The following NPAS3 variants were observed in gnomAD, a reference collection of about 807,000 sequenced individuals.
NPAS3 encodes the protein neuronal PAS domain-containing protein 3.
In NPAS3, 14 loss-of-function variants were observed where a neutral mutation model predicts 73.1. The observed-to-expected ratio is 0.19, with a 90% CI of 0.13 to 0.30. The LOEUF is 0.30. Among genes scored for constraint, NPAS3 ranks in the 10% least tolerant of loss-of-function variants. NPAS3 has a pLI of 1.00. For missense variants in NPAS3, 1,096 were observed against 1,250.0 expected, an observed-to-expected ratio of 0.88 and a Z score of 1.86; for synonymous variants, 620 against 541.5, an observed-to-expected ratio of 1.14 and a Z score of -2.01.
chr14:32,990,496 T>C (rs1463768257), intron 1 of NPAS3, among the ~76,000 whole-genome samples: 1 of 152,202 alleles, frequency 6.6e-6, no homozygotes, highest in East Asian at 1.9e-4. Context: ...CCATTATTCC[T>C]CCTTCCCTCA....
chr14:33,581,951 A>G (rs900939214), intron 5 of NPAS3: 2 of 152,198 alleles, frequency 1.3e-5, no homozygotes, highest in African/African-American at 4.8e-5. Context: ...TAGGTGTGCC[A>G]TTTATTTAAC....
At chr14:33,774,711 T>A in intron 8 of NPAS3, among the ~76,000 whole-genome samples, 181 bp downstream of exon 8, 1 of 152,170 alleles carries the variant, frequency 6.6e-6, no homozygotes, top group Non-Finnish European at 1.5e-5. Context: ...ATTGCTGCCC[T>A]GATTTACGTT....
At chr14:33,695,292 C>A (rs2140426328) in intron 6 of NPAS3, among the ~76,000 whole-genome samples, 1 of 152,256 alleles carries the variant, frequency 6.6e-6, no homozygotes, top group Middle Eastern at 3.4e-3. Flanking sequence ...AGGTTGTTAC[C>A]CTCTACCAAC....
At chr14:33,537,256 A>G (rs1174170645) in intron 4 of NPAS3, among the ~76,000 whole-genome samples, 1 of 152,184 alleles carries the variant, frequency 6.6e-6, no homozygotes, top group East Asian at 1.9e-4. Flanking sequence ...GCTCTATTTT[A>G]ATTGTTGTGT....
At chr14:32,953,125 CA>C (rs1276281544) in intron 1 of NPAS3, among the ~76,000 whole-genome samples, 2 of 129,138 alleles carry the variant, frequency 1.5e-5, no homozygotes, top group East Asian at 2.2e-4. Context: ...AAACAACAAC[CA>C]AAAAAAAAGA....
intron 4 of NPAS3, among the ~76,000 whole-genome samples, chr14:33,448,010 A>C (rs1040288909): frequency 3.4e-4 from 52 of 152,230 alleles, no homozygotes; most frequent in African/African-American, 1.1e-3. Flanking sequence ...CAGAGGGAAC[A>C]GTTAGCCTCC....
chr14:33,653,958 C>A (rs181981339), intron 5 of NPAS3, among the ~76,000 whole-genome samples: 33 of 152,216 alleles, frequency 2.2e-4, no homozygotes, highest in Admixed American at 2.1e-3. Flanking sequence ...GTGGTTTGTT[C>A]ACAAAAGAGA....
intron 1 of NPAS3, among the ~76,000 whole-genome samples, chr14:33,037,551 A>T (rs1372958168): frequency 6.6e-6 from 1 of 152,110 alleles, no homozygotes; most frequent in African/African-American, 2.4e-5. Context: ...CTGTGGTCTC[A>T]GCTGCTAAAG....
intron 5 of NPAS3, among the ~76,000 whole-genome samples, chr14:33,577,497 C>A (rs1317671770): frequency 6.6e-6 from 1 of 152,090 alleles, no homozygotes; most frequent in East Asian, 1.9e-4. Context: ...TCAAAGTAAC[C>A]TTGTGAGGCT....
chr14:33,512,910 GA>G (rs2053125909), intron 4 of NPAS3, among the ~76,000 whole-genome samples: 2 of 152,032 alleles, frequency 1.3e-5, no homozygotes, highest in South Asian at 2.1e-4. Context: ...TCTAAATTTA[GA>G]AGGTTTTGAA....
At chr14:33,439,388 T>C (rs2049135142) in intron 4 of NPAS3, among the ~76,000 whole-genome samples, 1 of 152,164 alleles carries the variant, frequency 6.6e-6, no homozygotes, top group Admixed American at 6.5e-5. Context: ...TTCATTGTAG[T>C]AAACACACAA....
intron 2 of NPAS3, among the ~76,000 whole-genome samples, chr14:33,155,762 C>G (rs1412325191): frequency 6.6e-6 from 1 of 152,064 alleles, no homozygotes; most frequent in Non-Finnish European, 1.5e-5. Flanking sequence ...GGTATCTTCC[C>G]TCTGTCTTCA....
chr14:33,411,285 C>T (rs778268401), intron 4 of NPAS3, among the ~76,000 whole-genome samples: 7 of 152,134 alleles, frequency 4.6e-5, no homozygotes, highest in African/African-American at 1.2e-4. Context: ...TGGGTTCAAG[C>T]GATTCTCCTG....
intron 2 of NPAS3, among the ~76,000 whole-genome samples, chr14:33,142,364 A>G (rs536689283): frequency 3.8e-4 from 58 of 151,974 alleles, no homozygotes; most frequent in Non-Finnish European, 6.8e-4. Context: ...GACATCTAAT[A>G]AATGTGGTTC....
chr14:33,199,442 C>A (rs1039018985), intron 2 of NPAS3, among the ~76,000 whole-genome samples: 1 of 152,148 alleles, frequency 6.6e-6, no homozygotes, highest in South Asian at 2.1e-4. Flanking sequence ...TTCAGTGACT[C>A]GGCATTCTGA....
chr14:33,183,263 G>A (rs925993938), intron 2 of NPAS3, among the ~76,000 whole-genome samples: 7 of 151,740 alleles, frequency 4.6e-5, no homozygotes, highest in South Asian at 4.2e-4. Flanking sequence ...CCGTCTCTAC[G>A]AAAAATAGAA....
intron 3 of NPAS3, among the ~76,000 whole-genome samples, chr14:33,262,057 T>C (rs1594539409): frequency 6.6e-6 from 1 of 152,200 alleles, no homozygotes; most frequent in East Asian, 1.9e-4. Context: ...AACTCTGTCC[T>C]CCACTTTGTT....
intron 2 of NPAS3, among the ~76,000 whole-genome samples, chr14:33,178,416 C>T (rs936453801): frequency 3.3e-5 from 5 of 152,026 alleles, no homozygotes; most frequent in East Asian, 1.9e-4. Context: ...GATATCTTAA[C>T]GATATTAAGC....
chr14:33,335,040 G>GCA (rs35706920), intron 3 of NPAS3, among the ~76,000 whole-genome samples: 4 of 41,040 alleles, frequency 9.7e-5, no homozygotes, highest in Admixed American at 8.4e-4. Context: ...TTGTGTGTGT[G>GCA]TGCGTGTGTG....
Sources: allele counts gnomAD v4.1 joint callset (sites outside exome capture counted in the v4.1 genomes callset), GRCh38; gene constraint gnomAD v4.1.1; transcripts MANE v1.5; gene names NCBI Gene and HGNC (gene_info 2026-07-23, HGNC 2026-07-21).